The following RETREG3 variants were observed in gnomAD, a reference collection of about 807,000 sequenced individuals.
RETREG3 encodes reticulophagy regulator family member 3, also known as reticulophagy regulator 3.
RETREG3 carries 23 observed loss-of-function variants against 50.2 expected under a neutral mutation model. The observed-to-expected ratio is 0.46, with a 90% CI of 0.33 to 0.65. The LOEUF (loss-of-function observed/expected upper bound fraction) is 0.65. RETREG3 is among the 30% of genes least tolerant of loss of function. The pLI, the probability that RETREG3 is intolerant of heterozygous loss-of-function variation, is 0.02. For missense variants in RETREG3, 546 were observed against 598.0 expected (o/e 0.91, Z 0.91); for synonymous variants, 240 against 234.4 (o/e 1.02, Z -0.22).
chr17:42,601,535 T>A, intron 1 of RETREG3, among the ~76,000 whole-genome samples: 1 of 137,268 alleles, frequency 7.3e-6, no homozygotes, highest in Non-Finnish European at 1.5e-5. Context: ...ATCGCGCCAC[T>A]GCACTCCAGC....
intron 4 of RETREG3, among the ~76,000 whole-genome samples, 156 bp downstream of exon 4, chr17:42,586,609 C>T (rs2093121793): frequency 1.3e-5 from 2 of 152,188 alleles, no homozygotes; most frequent in South Asian, 4.1e-4. Flanking sequence ...GTCCTAATGG[C>T]TGGTCAGAAG....
chr17:42,590,129 G>C (rs1193413669), intron 2 of RETREG3, among the ~76,000 whole-genome samples: 1 of 152,206 alleles, frequency 6.6e-6, no homozygotes, highest in Non-Finnish European at 1.5e-5. Context: ...ATCTGAACCT[G>C]GGAGGTGGAG....
At chr17:42,596,359 CAAAAAAAAAAAAAAAAAAAA>C (rs60457978) in intron 1 of RETREG3, among the ~76,000 whole-genome samples, 64 of 64,714 alleles carry the variant, frequency 9.9e-4, no homozygotes, top group Non-Finnish European at 1.3e-3. Flanking sequence ...GACCCTTTCT[CAAAAAAAAAAAAAAAAAAAA>C]AAAAAAAAAA....
At position 42,581,604 on chromosome 17, in the gene RETREG3, T is replaced by C. The variant is rs1597731271; in HGVS notation, c.*209A>G. On this transcript the variant is annotated 3_prime_UTR_variant, in exon 9 of 9. Coordinates refer to ENST00000309428, the MANE Select transcript of RETREG3 (RefSeq NM_178126.4). The stretch of plus-strand genomic sequence containing the variant: ...CTCCCTTGGGGGAGCACACTCTCAC[T>C]TCAGTGACTGAGCTCAGAAATGGGC... 1.8e-6 allele frequency: 1 copy of C among 544,576 alleles called. No homozygotes were observed. The highest frequency in any genetic ancestry group is 3.0e-5 in the East Asian group (1 of 33,422). 33.7% of individuals were successfully genotyped at this position (544,576 alleles called of 1,614,324 possible).
At chr17:42,582,479 G>T (rs1459564348) in intron 8 of RETREG3, among the ~76,000 whole-genome samples, 195 bp downstream of exon 8, 2 of 152,202 alleles carry the variant, frequency 1.3e-5, no homozygotes, top group African/African-American at 4.8e-5. Context: ...AGTGCCTGAG[G>T]CTACTAAGGG....
chr17:42,584,572 C>T (rs532284821), intron 6 of RETREG3, among the ~76,000 whole-genome samples: 25 of 152,146 alleles, frequency 1.6e-4, no homozygotes, highest in South Asian at 6.2e-4. Context: ...CACTTTGGAA[C>T]GCCAAGGCAG....
intron 1 of RETREG3, among the ~76,000 whole-genome samples, chr17:42,602,311 C>T (rs1463475118): frequency 2.7e-5 from 3 of 111,266 alleles, no homozygotes; most frequent in African/African-American, 6.6e-5. Context: ...AGTAAGACTC[C>T]GTTTCAAAAA....
At chr17:42,603,219 AT>A (rs1456729393) in intron 1 of RETREG3, among the ~76,000 whole-genome samples, 2 of 152,182 alleles carry the variant, frequency 1.3e-5, no homozygotes, top group Non-Finnish European at 2.9e-5. Flanking sequence ...GAGCCTCACT[AT>A]TAGTACCAGT....
In RETREG3 at chr17:42,609,295, G is replaced by C; in HGVS notation, c.30C>G (p.Thr10=). The C allele has an allele frequency of 2.5e-6, 4 of 1,602,610 alleles. No homozygotes were observed. The South Asian group carries it at 4.4e-5, about 18-fold the overall frequency. MAEAEGVPT[T]PGPASGSTFR... ...AAGTCGACCCCGAAGCCGGGCCTGG[G>C]GTCGTGGGAACCCCTTCGGCCTCAG... The change falls in exon 1 of 9, where the codon ACC becomes ACG. Residue 10 remains threonine, a synonymous_variant. Transcript: ENST00000309428.
rs1359239424 is a variant in RETREG3, at chr17:42,581,647, G to C, written c.*166C>G. 1.7e-6 allele frequency: 1 copy of C among 593,514 alleles called. No individual in the cohort carries two copies. Among genetic ancestry groups the C allele is most frequent in the Non-Finnish European group, 2.9e-6 (1 of 349,834 alleles). The allele number at this position is 593,514 out of a possible 1,614,324, so 36.8% of individuals were successfully genotyped here. A position where few individuals can be genotyped will look rare whatever the true frequency, so the allele number is the denominator to read the frequency against. On this transcript the variant is annotated 3_prime_UTR_variant, in exon 9 of 9. Coordinates refer to ENST00000309428, the MANE Select transcript of RETREG3 (RefSeq NM_178126.4). ...AAATGGGCATCCAGCTGGTGGGAGGGGAGTGAGTGTCCTCTCTAAGGAGGC... is the reference window on the plus strand; with the variant it reads ...AAATGGGCATCCAGCTGGTGGGAGGCGAGTGAGTGTCCTCTCTAAGGAGGC...
chr17:42,597,581 GTATATATATATATATA>G (rs1555629775), intron 1 of RETREG3, among the ~76,000 whole-genome samples: 983 of 43,330 alleles, frequency 0.023, 21 homozygotes, highest in Middle Eastern at 0.05. Flanking sequence ...TATTTTGTGT[GTATATATATATATATA>G]TATATATATA....
At position 42,609,312 on chromosome 17, in the gene RETREG3, C is replaced by G. The variant is rs200120312; in HGVS notation, c.13G>C (p.Glu5Gln). Residue 5 changes from glutamate to glutamine, a missense_variant, in exon 1 of 9, where the codon GAA (glutamate) becomes CAA (glutamine). By Grantham distance (29) the Glu-to-Gln change is conservative. Coordinates refer to ENST00000309428, the MANE Select transcript of RETREG3 (RefSeq NM_178126.4). MAEA[E>Q]GVPTTPGPAS... ...GGGCCTGGGGTCGTGGGAACCCCTT[C>G]GGCCTCAGCCATCTCCCCGCGGCAG... The G allele has an allele frequency of 8.8e-6, 14 of 1,598,774 alleles. No individual in the cohort carries two copies. Among genetic ancestry groups the G allele is most frequent in the Non-Finnish European group, 1.1e-5 (13 of 1,178,564 alleles).
rs1388308938 is a variant in RETREG3, at chr17:42,580,134, A to G, written c.*1679T>C. The stretch of plus-strand genomic sequence containing the variant: ...TACCATGTTTAGGTTTCTGTCTCAC[A>G]TCACATGATTTCACTAGGGGCTGCA... On this transcript the variant is annotated 3_prime_UTR_variant, in exon 9 of 9. Coordinates refer to ENST00000309428, the MANE Select transcript of RETREG3 (RefSeq NM_178126.4). 6.6e-6 allele frequency: 1 copy of G among 152,450 alleles called. No individual in the cohort carries two copies. The highest frequency in any genetic ancestry group is 2.4e-5 in the African/African-American group (1 of 41,454). The allele number at this position is 152,450 out of a possible 1,614,324, so 9.4% of individuals were successfully genotyped here. A position where few individuals can be genotyped will look rare whatever the true frequency, so the allele number is the denominator to read the frequency against.
intron 1 of RETREG3, among the ~76,000 whole-genome samples, chr17:42,601,734 C>T (rs2093159094): frequency 7.2e-6 from 1 of 139,642 alleles, no homozygotes; most frequent in Admixed American, 7.6e-5. Context: ...CCAGGTTCAA[C>T]GGATTCTCCT....
chr17:42,587,751 AC>A (rs1250997872), intron 3 of RETREG3, 82 bp downstream of exon 3: 1 of 1,532,700 alleles, frequency 6.5e-7, no homozygotes, highest in Non-Finnish European at 9.0e-7. Context: ...TGTGTCCAGA[AC>A]ATGGGGTTAA....
chr17:42,593,530 G>A (rs2093137310), intron 1 of RETREG3, among the ~76,000 whole-genome samples: 1 of 151,462 alleles, frequency 6.6e-6, no homozygotes, highest in African/African-American at 2.4e-5. Flanking sequence ...GGCGCCTGTA[G>A]TCCCAGCTGC....
At chr17:42,592,895 G>A (rs779045135) in intron 1 of RETREG3, among the ~76,000 whole-genome samples, 1 of 152,258 alleles carries the variant, frequency 6.6e-6, no homozygotes, top group Admixed American at 6.6e-5. Context: ...GCTGAAGCAC[G>A]AGAATTGCTA....
In RETREG3 at chr17:42,603,701, G is replaced by A. The variant is rs1210226927; in HGVS notation, c.239+5385C>T. Among the ~76,000 whole-genome samples, 4 of 152,280 alleles carry A rather than the reference G, an allele frequency of 2.6e-5. No homozygotes were observed. In the South Asian group the frequency reaches 6.2e-4, roughly 24 times the overall value. On this transcript the variant is annotated intron_variant, in intron 1 of 8. Coordinates refer to ENST00000309428, the MANE Select transcript of RETREG3 (RefSeq NM_178126.4). Reference sequence around the variant, plus strand: ...TCATTAGAAATCTGATGTGTAGCCGGGCGCGGTGGCTCACGCCTGTAATCC... The same window carrying A: ...TCATTAGAAATCTGATGTGTAGCCGAGCGCGGTGGCTCACGCCTGTAATCC...
chr17:42,598,996 G>A (rs1268411694), intron 1 of RETREG3: 2 of 151,890 alleles, frequency 1.3e-5, no homozygotes, highest in African/African-American at 4.8e-5. Flanking sequence ...AACCTTCTTA[G>A]GAGAGCTTAA....
Sources: allele counts gnomAD v4.1 joint callset (sites outside exome capture counted in the v4.1 genomes callset), GRCh38; gene constraint gnomAD v4.1.1; transcripts MANE v1.5; gene names NCBI Gene and HGNC (gene_info 2026-07-23, HGNC 2026-07-21).